KCNK2: variants seen among roughly 807,000 people sequenced by gnomAD.
KCNK2 encodes potassium two pore domain channel subfamily K member 2.
KCNK2 carries 21 observed loss-of-function variants against 40.5 expected under a neutral mutation model. The ratio of observed to expected loss-of-function variants is 0.52; its 90% CI spans 0.37 to 0.75. The LOEUF (loss-of-function observed/expected upper bound fraction) is 0.75, where lower values mean the gene tolerates loss of function less well. Among genes scored for constraint, KCNK2 ranks in the 30% least tolerant of loss-of-function variants. The pLI is 0.00. For synonymous variants in KCNK2, 191 were observed against 202.2 expected, an observed-to-expected ratio of 0.94 and a Z score of 0.47; for missense variants, 399 against 531.6, an observed-to-expected ratio of 0.75 and a Z score of 2.45.
intron 2 of KCNK2, among the ~76,000 whole-genome samples, chr1:215,121,006 A>G (rs1442589780): frequency 1.3e-5 from 2 of 152,186 alleles, no homozygotes; most frequent in Non-Finnish European, 2.9e-5. Flanking sequence ...TAAACCATTG[A>G]TGACTTTATG....
chr1:215,075,937 C>G (rs750405330), intron 1 of KCNK2, among the ~76,000 whole-genome samples: 1 of 152,200 alleles, frequency 6.6e-6, no homozygotes, highest in African/African-American at 2.4e-5. Context: ...GCCCACCCCC[C>G]AGGCAAGAAG....
At chr1:215,057,063 T>C (rs1429448524) in intron 1 of KCNK2, among the ~76,000 whole-genome samples, 2 of 152,208 alleles carry the variant, frequency 1.3e-5, no homozygotes, top group African/African-American at 4.8e-5. Flanking sequence ...TTTTCATTCT[T>C]TTTTAAATGT....
rs955721288 is a variant in KCNK2, at chr1:215,169,255, G to A, written c.532G>A (p.Ala178Thr). 1.2e-6 allele frequency: 2 copies of A among 1,613,046 alleles called. No homozygotes were observed. The highest frequency in any genetic ancestry group is 1.7e-6 in the Non-Finnish European group (2 of 1,179,394). Residue 178 changes from alanine (A) to threonine (T), a missense_variant, in exon 4 of 7, where the codon GCC (alanine) becomes ACC (threonine). By Grantham distance (58) the Ala-to-Thr change is moderately conservative. Transcript: ENST00000444842. The part of the protein sequence containing the change: ...EGGKIFCIIY[A>T]LLGIPLFGFL... ...CGGCAAAATATTCTGTATCATCTAT[G>A]CCTTACTGGGAATTCCCCTCTTTGG...
At chr1:215,088,555 T>A (rs548429874) in intron 2 of KCNK2, among the ~76,000 whole-genome samples, 1 of 149,194 alleles carries the variant, frequency 6.7e-6, no homozygotes, top group East Asian at 2.0e-4. Flanking sequence ...TGGAGTGAGA[T>A]GCTTGGTTGG....
intron 6 of KCNK2, among the ~76,000 whole-genome samples, chr1:215,213,184 A>G (rs1665812693): frequency 6.6e-6 from 1 of 152,210 alleles, no homozygotes; most frequent in Non-Finnish European, 1.5e-5. Context: ...TACCAGTGGG[A>G]ATACTCACAC....
chr1:215,206,733 G>A (rs1360895347), intron 6 of KCNK2, among the ~76,000 whole-genome samples: 1 of 152,084 alleles, frequency 6.6e-6, no homozygotes, highest in Non-Finnish European at 1.5e-5. Flanking sequence ...CATCATAACT[G>A]CTTCTCCTGC....
At chr1:215,122,107 G>A (rs915136803) in intron 2 of KCNK2, among the ~76,000 whole-genome samples, 4 of 151,964 alleles carry the variant, frequency 2.6e-5, no homozygotes, top group African/African-American at 7.2e-5. Flanking sequence ...TGAAATATTT[G>A]GGAATAACCT....
chr1:215,074,175 T>A (rs186768233), intron 1 of KCNK2, among the ~76,000 whole-genome samples: 2 of 152,294 alleles, frequency 1.3e-5, no homozygotes, highest in East Asian at 1.9e-4. Context: ...TCTTGTATGT[T>A]TAAGGGTTTT....
chr1:215,117,836 G>C (rs1176556693), intron 2 of KCNK2, among the ~76,000 whole-genome samples: 1 of 152,058 alleles, frequency 6.6e-6, no homozygotes. Context: ...AAAGGACAAA[G>C]AGGTAAAGAA....
At chr1:215,228,309 C>A (rs1400169710) in intron 6 of KCNK2, among the ~76,000 whole-genome samples, 1 of 152,148 alleles carries the variant, frequency 6.6e-6, no homozygotes. Flanking sequence ...AGAGCAAACA[C>A]TGATTGGGAG....
intron 3 of KCNK2, among the ~76,000 whole-genome samples, chr1:215,142,437 G>A (rs1388752247): frequency 6.6e-6 from 1 of 152,146 alleles, no homozygotes; most frequent in East Asian, 1.9e-4. Context: ...TAATAGGAAA[G>A]TAAGTAATAT....
At chr1:215,023,044 C>T (rs1656863900) in intron 1 of KCNK2, among the ~76,000 whole-genome samples, 1 of 152,200 alleles carries the variant, frequency 6.6e-6, no homozygotes, top group Admixed American at 6.5e-5. Flanking sequence ...TGCCTGTTAA[C>T]ACATGGATTT....
intron 4 of KCNK2, among the ~76,000 whole-genome samples, chr1:215,170,400 A>C (rs925725707): frequency 6.6e-6 from 1 of 152,184 alleles, no homozygotes; most frequent in African/African-American, 2.4e-5. Flanking sequence ...TCTTGGAAGA[A>C]AATTATGGAA....
intron 5 of KCNK2, among the ~76,000 whole-genome samples, chr1:215,174,928 C>G (rs1663887122): frequency 6.6e-6 from 1 of 152,112 alleles, no homozygotes; most frequent in African/African-American, 2.4e-5. Flanking sequence ...GACAATTTGA[C>G]TTCCTCTTTT....
intron 5 of KCNK2, 82 bp from the exon 6 acceptor site, chr1:215,194,871 T>C: frequency 7.5e-7 from 1 of 1,327,638 alleles, no homozygotes. Flanking sequence ...AAACCAAAAT[T>C]TAGTTAGTAA....
chr1:215,015,055 T>C (rs996618811), intron 1 of KCNK2, among the ~76,000 whole-genome samples: 2 of 152,182 alleles, frequency 1.3e-5, no homozygotes, highest in Non-Finnish European at 2.9e-5. Context: ...ATAATGGTTA[T>C]GAAAGTGAAC....
At chr1:215,168,417 A>G (rs1443994929) in intron 3 of KCNK2, among the ~76,000 whole-genome samples, 3 of 152,222 alleles carry the variant, frequency 2.0e-5, no homozygotes, top group Non-Finnish European at 4.4e-5. Flanking sequence ...TGTTTATTGC[A>G]GCGCTATTTA....
chr1:215,233,795 G>T (rs1425958913), intron 6 of KCNK2, among the ~76,000 whole-genome samples: 1 of 152,116 alleles, frequency 6.6e-6, no homozygotes, highest in African/African-American at 2.4e-5. Flanking sequence ...TATTTTAAGC[G>T]ACAGTCTAGA....
intron 5 of KCNK2, among the ~76,000 whole-genome samples, chr1:215,177,276 T>A (rs763423968): frequency 5.9e-5 from 9 of 152,142 alleles, no homozygotes; most frequent in Non-Finnish European, 1.3e-4. Context: ...ATGCATAGGT[T>A]ATACTTATTT....
Sources: allele counts gnomAD v4.1 joint callset (sites outside exome capture counted in the v4.1 genomes callset), GRCh38; gene constraint gnomAD v4.1.1; transcripts MANE v1.5; gene names NCBI Gene and HGNC (gene_info 2026-07-23, HGNC 2026-07-21).